The following MS4A13 variants were observed in gnomAD, a reference collection of about 807,000 sequenced individuals.
MS4A13 encodes the protein membrane-spanning 4-domains subfamily A member 13.
Under a neutral mutation model 18.4 loss-of-function variants are expected in MS4A13, and 21 were observed. The observed-to-expected ratio is 1.14, with a 90% CI of 0.81 to 1.64. MS4A13 has a LOEUF of 1.64. MS4A13 is among the 40% of genes most tolerant of loss of function. MS4A13 has a pLI of 0.00. For missense variants in MS4A13, 173 were observed against 176.8 expected (o/e 0.98, Z 0.12); for synonymous variants, 62 against 57.2 (o/e 1.08, Z -0.38).
intron 6 of MS4A13, among the ~76,000 whole-genome samples, chr11:60,532,289 C>T (rs1328869920): frequency 6.6e-6 from 1 of 152,210 alleles, no homozygotes; most frequent in Admixed American, 6.5e-5. Context: ...GAGTGCCAGA[C>T]AGTGGGCGCA....
chr11:60,527,358 TTCCGTCTCTCTCTCTCTCTCTC>T (rs773800831), intron 5 of MS4A13, among the ~76,000 whole-genome samples: 1 of 81,942 alleles, frequency 1.2e-5, no homozygotes, highest in Non-Finnish European at 2.3e-5. Flanking sequence ...AACTCATTCA[TTCCGTCTCTCTCTCTCTCTCTC>T]TCTCTCTCTC....
chr11:60,520,185 T>G (rs2086664412), intron 3 of MS4A13, among the ~76,000 whole-genome samples: 1 of 152,096 alleles, frequency 6.6e-6, no homozygotes, highest in African/African-American at 2.4e-5. Flanking sequence ...TGGCGAGTCA[T>G]TCCCATGCTG....
At chr11:60,527,195 A>C (rs2086718986) in intron 5 of MS4A13, among the ~76,000 whole-genome samples, 1 of 152,088 alleles carries the variant, frequency 6.6e-6, no homozygotes, top group South Asian at 2.1e-4. Context: ...ATAATTACCA[A>C]ATATTGCTTA....
At chr11:60,538,115 C>G (rs1357546725) in intron 6 of MS4A13, among the ~76,000 whole-genome samples, 1 of 138,054 alleles carries the variant, frequency 7.2e-6, no homozygotes, top group African/African-American at 2.7e-5. Context: ...CAGCATGGCA[C>G]ATGTATACAT....
chr11:60,516,609 T>A (rs956569311), intron 2 of MS4A13, among the ~76,000 whole-genome samples: 2 of 152,212 alleles, frequency 1.3e-5, no homozygotes, highest in African/African-American at 4.8e-5. Flanking sequence ...CATTTTGGCA[T>A]AGAATGAAAA....
At chr11:60,542,440 T>A (rs1238460417) in intron 6 of MS4A13, 79 bp from the exon 7 acceptor site, 1 of 978,110 alleles carries the variant, frequency 1.0e-6, no homozygotes, top group Non-Finnish European at 1.5e-6. Flanking sequence ...ACCTGTATTT[T>A]TTAAGAAAAA....
chr11:60,527,202 C>T (rs2086719048), intron 5 of MS4A13, among the ~76,000 whole-genome samples: 1 of 151,976 alleles, frequency 6.6e-6, no homozygotes, highest in South Asian at 2.1e-4. Context: ...CCAAATATTG[C>T]TTATTCTTCA....
chr11:60,542,016 T>G (rs10750941), intron 6 of MS4A13, among the ~76,000 whole-genome samples: 144,629 of 151,616 alleles, frequency 0.95, 69,375 homozygotes, highest in East Asian at 1. Flanking sequence ...CATGAGAATC[T>G]CTTGAGTCTG....
rs1482528098 is a variant in MS4A13 at position 60,539,389 on chromosome 11, C to A, written c.403-3130C>A. Reference sequence around the variant, plus strand: ...AGAACAGAGGTGAGCTGACAAAAAACAAAATAAACAGACATAAAGAGAGCA... The same window carrying A: ...AGAACAGAGGTGAGCTGACAAAAAAAAAAATAAACAGACATAAAGAGAGCA... On this transcript the variant is annotated intron_variant, in intron 6 of 6. Transcript: ENST00000378186. 4.0e-5 allele frequency among the ~76,000 whole-genome samples: 6 copies of A among 151,516 alleles called. No homozygotes were observed. In the East Asian group the frequency reaches 1.2e-3, roughly 29 times the overall value.
At chr11:60,521,416 A>G (rs758898008) in intron 3 of MS4A13, among the ~76,000 whole-genome samples, 2 of 152,210 alleles carry the variant, frequency 1.3e-5, no homozygotes, top group African/African-American at 4.8e-5. Flanking sequence ...TGCCTTTAAC[A>G]GCATCCAAGT....
chr11:60,523,944 T>G lies in MS4A13; in HGVS notation c.177T>G (p.Thr59=), dbSNP rs762396199. 30 of 1,528,610 alleles carry G rather than the reference T, an allele frequency of 2.0e-5. No homozygotes were observed. Among genetic ancestry groups the G allele is most frequent in the Admixed American group, 8.4e-5 (5 of 59,254 alleles). The allele number at this position is 1,528,610 out of a possible 1,614,324, so 94.7% of individuals were successfully genotyped here. ...VFLIRVTKYP[T]RSGIISTLII... ...TAATAAGAGTAACAAAGTATCCGAC[T>G]CGATCTGGAGTAAGTTGAAATGTTT... The change falls in exon 4 of 7, where the codon ACT becomes ACG. Residue 59 remains threonine (T), a synonymous_variant. Coordinates refer to ENST00000378186, the MANE Select transcript of MS4A13 (RefSeq NM_001012417.3).
At chr11:60,520,940 C>T (rs1231256435) in intron 3 of MS4A13, among the ~76,000 whole-genome samples, 1 of 152,230 alleles carries the variant, frequency 6.6e-6, no homozygotes, top group Non-Finnish European at 1.5e-5. Context: ...TTCCATATAT[C>T]CTCTGAAATC....
At chr11:60,529,745 G>A (rs140713670) in intron 6 of MS4A13, among the ~76,000 whole-genome samples, 10 of 152,118 alleles carry the variant, frequency 6.6e-5, no homozygotes, top group African/African-American at 1.9e-4. Context: ...AAAAAAAGAC[G>A]AATACACACA....
chr11:60,532,214 T>A (rs920527202), intron 6 of MS4A13, among the ~76,000 whole-genome samples: 1 of 152,160 alleles, frequency 6.6e-6, no homozygotes, highest in Non-Finnish European at 1.5e-5. Flanking sequence ...GCTCCCAGCA[T>A]GAGCGACGCA....
intron 2 of MS4A13, among the ~76,000 whole-genome samples, chr11:60,517,351 T>A (rs1187321677): frequency 1.3e-5 from 2 of 152,224 alleles, no homozygotes; most frequent in Non-Finnish European, 2.9e-5. Context: ...CTGTCATTTT[T>A]AAAGAGTAAT....
At chr11:60,539,655 A>C (rs936296889) in intron 6 of MS4A13, among the ~76,000 whole-genome samples, 2 of 152,122 alleles carry the variant, frequency 1.3e-5, no homozygotes, top group African/African-American at 4.8e-5. Context: ...AGATCCTCCT[A>C]GACACCTCCA....
At position 60,518,192 on chromosome 11, in the gene MS4A13, TG is replaced by T. The variant is rs752593130; in HGVS notation, c.110del (p.Cys37LeufsTer15). On this transcript the variant is annotated frameshift_variant, in exon 3 of 7. Coordinates refer to ENST00000378186, the MANE Select transcript of MS4A13 (RefSeq NM_001012417.3). LOFTEE classifies it high-confidence loss of function. The stretch of plus-strand genomic sequence containing the variant: ...TGAACCTGTAACTTACAAAACAGGA[TG>T]TACTTTATGGGGAATTTTTGTGAGT... Reference protein sequence around the residue: ...TYEPVTYKTGCTLWGIFFIIA... With the variant: ...TYEPVTYKTGXTLWGIFFIIA... The T allele has an allele frequency of 5.0e-6, 8 of 1,610,614 alleles. No individual in the cohort carries two copies. The highest frequency in any genetic ancestry group is 1.1e-5 in the South Asian group (1 of 90,532).
chr11:60,516,575 C>T (rs1296594851), intron 2 of MS4A13, among the ~76,000 whole-genome samples: 1 of 152,154 alleles, frequency 6.6e-6, no homozygotes, highest in African/African-American at 2.4e-5. Context: ...AGCAGAGGTT[C>T]TTAACCTCTT....
intron 1 of MS4A13, 100 bp downstream of exon 1, chr11:60,515,707 G>T (rs1253226608): frequency 1.3e-5 from 2 of 152,362 alleles, no homozygotes; most frequent in South Asian, 2.1e-4. Context: ...TCTGTAAACA[G>T]TAGGCACTAT....
Sources: gnomAD v4.1 joint callset for allele counts (sites outside exome capture counted in the v4.1 genomes callset) on GRCh38, gnomAD v4.1.1 for gene constraint, MANE v1.5 for transcripts, NCBI Gene and HGNC (gene_info 2026-07-23, HGNC 2026-07-21) for gene names.